Variants in TRHDE observed in about 807,000 individuals in gnomAD.
The protein encoded by TRHDE is thyrotropin releasing hormone degrading enzyme.
In TRHDE, 72 loss-of-function variants were observed where a neutral mutation model predicts 125.7. The observed-to-expected ratio is 0.57, with a 90% CI of 0.47 to 0.70. The LOEUF is 0.70. Among genes scored for constraint, TRHDE ranks in the 30% least tolerant of loss-of-function variants. The pLI, the probability that TRHDE is intolerant of heterozygous loss-of-function variation, is 0.00. For missense variants in TRHDE, 1,110 were observed against 1,327.1 expected, an observed-to-expected ratio of 0.84 and a Z score of 2.54; for synonymous variants, 509 against 509.1, an observed-to-expected ratio of 1.00 and a Z score of 0.00.
chr12:72,148,291 T>C (rs1237083472), intron 2 of TRHDE, among the ~76,000 whole-genome samples: 1 of 152,218 alleles, frequency 6.6e-6, no homozygotes, highest in Non-Finnish European at 1.5e-5. Flanking sequence ...TTAGAAAATA[T>C]GTGATATTTC....
At chr12:72,424,307 A>ATGCTGTT (rs1405723199) in intron 3 of TRHDE, among the ~76,000 whole-genome samples, 1 of 152,040 alleles carries the variant, frequency 6.6e-6, no homozygotes, top group African/African-American at 2.4e-5. Context: ...TCTGTCTTTC[A>ATGCTGTT]TGCTGTTTTC....
intron 6 of TRHDE, among the ~76,000 whole-genome samples, chr12:72,537,145 A>G (rs1231970459): frequency 1.3e-5 from 2 of 152,090 alleles, no homozygotes; most frequent in Non-Finnish European, 2.9e-5. Context: ...TTCTGACCTG[A>G]TAAATAAAGA....
chr12:72,091,580 T>A (rs778257660), intron 1 of TRHDE, among the ~76,000 whole-genome samples: 2 of 152,186 alleles, frequency 1.3e-5, no homozygotes, highest in Non-Finnish European at 2.9e-5. Context: ...TACAAGGGTG[T>A]GCACGTGACC....
intron 2 of TRHDE, among the ~76,000 whole-genome samples, chr12:72,215,019 G>T (rs150890823): frequency 2.0e-5 from 3 of 152,108 alleles, no homozygotes; most frequent in African/African-American, 7.2e-5. Flanking sequence ...CATGTGGTCC[G>T]TGTGAAGAGA....
intron 2 of TRHDE, among the ~76,000 whole-genome samples, chr12:72,134,127 T>A (rs1347068921): frequency 6.6e-6 from 1 of 152,224 alleles, no homozygotes; most frequent in Non-Finnish European, 1.5e-5. Flanking sequence ...TCTGGTTTCC[T>A]TCTCTCCAGG....
rs1449938753 is a variant in TRHDE at position 72,641,497 on chromosome 12, A to G, written c.2676-10825A>G. Among the ~76,000 whole-genome samples the G allele has an allele frequency of 4.6e-5, 7 of 152,272 alleles. No individual in the cohort carries two copies. In the East Asian group the frequency reaches 1.4e-3, roughly 29 times the overall value. ...GTCTATTTTTACTAAGAACGTACACATTATGTTATTTTTGTAAACTTATGC... is the reference window on the plus strand; with the variant it reads ...GTCTATTTTTACTAAGAACGTACACGTTATGTTATTTTTGTAAACTTATGC... On this transcript the variant is annotated intron_variant, in intron 15 of 18. Transcript: ENST00000261180.
At chr12:72,232,898 T>C (rs1057475426) in intron 2 of TRHDE, among the ~76,000 whole-genome samples, 2 of 152,178 alleles carry the variant, frequency 1.3e-5, no homozygotes, top group African/African-American at 4.8e-5. Context: ...CTAACTTATC[T>C]ATTTTACTTA....
intron 15 of TRHDE, among the ~76,000 whole-genome samples, chr12:72,623,641 A>C (rs1873140645): frequency 1.3e-5 from 2 of 152,058 alleles, no homozygotes; most frequent in Non-Finnish European, 2.9e-5. Context: ...ATAGAGTGTG[A>C]ACACAAAGAA....
intron 3 of TRHDE, among the ~76,000 whole-genome samples, chr12:72,447,303 G>C (rs1242880657): frequency 6.6e-6 from 1 of 152,124 alleles, no homozygotes; most frequent in Non-Finnish European, 1.5e-5. Context: ...AAATAAAGAT[G>C]TTCTTGGAAA....
chr12:72,339,939 G>A (rs1870006155), intron 2 of TRHDE, among the ~76,000 whole-genome samples: 1 of 152,174 alleles, frequency 6.6e-6, no homozygotes, highest in Admixed American at 6.5e-5. Context: ...TGTAAAGATA[G>A]ACAGGTATGC....
intron 3 of TRHDE, among the ~76,000 whole-genome samples, chr12:72,424,312 G>A (rs927570411): frequency 1.6e-4 from 25 of 151,992 alleles, no homozygotes; most frequent in African/African-American, 6.0e-4. Flanking sequence ...CTTTCATGCT[G>A]TTTTCCTTTT....
At chr12:72,557,488 G>A (rs1261987829) in intron 7 of TRHDE, among the ~76,000 whole-genome samples, 1 of 152,084 alleles carries the variant, frequency 6.6e-6, no homozygotes, top group Non-Finnish European at 1.5e-5. Flanking sequence ...GGTTTTTATG[G>A]AATCATCCCT....
intron 3 of TRHDE, among the ~76,000 whole-genome samples, chr12:72,466,059 C>T (rs1343180529): frequency 6.6e-6 from 1 of 152,108 alleles, no homozygotes; most frequent in Non-Finnish European, 1.5e-5. Flanking sequence ...CCAGGCCTGA[C>T]TTTTGTGACC....
chr12:72,176,271 C>G (rs1325535254), intron 2 of TRHDE, among the ~76,000 whole-genome samples: 3 of 152,080 alleles, frequency 2.0e-5, no homozygotes, highest in East Asian at 1.9e-4. Context: ...CTCAGGAAGC[C>G]TAGGTAAGAG....
At chr12:72,170,238 G>A (rs1230371310) in intron 2 of TRHDE, among the ~76,000 whole-genome samples, 1 of 152,158 alleles carries the variant, frequency 6.6e-6, no homozygotes, top group Non-Finnish European at 1.5e-5. Flanking sequence ...ACAAGAATAT[G>A]AGAGCCAGGG....
At chr12:72,462,997 A>G (rs1415833746) in intron 3 of TRHDE, among the ~76,000 whole-genome samples, 1 of 152,226 alleles carries the variant, frequency 6.6e-6, no homozygotes, top group Non-Finnish European at 1.5e-5. Context: ...GTACAAGGAA[A>G]ACCAGAAAGA....
intron 2 of TRHDE, among the ~76,000 whole-genome samples, chr12:72,172,349 A>G (rs1876892089): frequency 6.6e-6 from 1 of 152,210 alleles, no homozygotes. Flanking sequence ...GCCTTTCACA[A>G]GTATTATCTT....
Position 72,668,885 on chromosome 12 carries a change from T to C in TRHDE, c.*5690T>C, listed in dbSNP as rs926439878. ...AGCATGTATGAAAACATAATGTTTA[T>C]CCGTACAGACCATTCTCTATAGCAG... On this transcript the variant is annotated 3_prime_UTR_variant, in exon 19 of 19. Coordinates refer to ENST00000261180, the MANE Select transcript of TRHDE (RefSeq NM_013381.3). The C allele has an allele frequency of 6.6e-6, 1 of 151,812 alleles. No individual in the cohort carries two copies. The highest frequency in any genetic ancestry group is 1.5e-5 in the Non-Finnish European group (1 of 67,848). The allele number at this position is 151,812 out of a possible 1,614,324, so 9.4% of individuals were successfully genotyped here. A position where few individuals can be genotyped will look rare whatever the true frequency, so the allele number is the denominator to read the frequency against.
intron 2 of TRHDE, among the ~76,000 whole-genome samples, chr12:72,153,267 C>T (rs1385098019): frequency 6.6e-6 from 1 of 151,796 alleles, no homozygotes; most frequent in Admixed American, 6.6e-5. Context: ...TTTAATTGCG[C>T]CTATTTGATT....
Sources: gnomAD v4.1 joint callset for allele counts (sites outside exome capture counted in the v4.1 genomes callset) on GRCh38, gnomAD v4.1.1 for gene constraint, MANE v1.5 for transcripts, NCBI Gene and HGNC (gene_info 2026-07-23, HGNC 2026-07-21) for gene names.